The following PPFIBP2 variants were observed in gnomAD, a reference collection of about 807,000 sequenced individuals.
PPFIBP2 encodes PPFIB scaffold protein 2.
In PPFIBP2, 118 loss-of-function variants were observed where a neutral mutation model predicts 118.3. The ratio of observed to expected loss-of-function variants is 1.00; its 90% CI spans 0.86 to 1.16. The LOEUF (loss-of-function observed/expected upper bound fraction) is 1.16. Ranked by LOEUF, PPFIBP2 falls within the 50% of genes most tolerant of loss-of-function variation. The pLI, the probability that PPFIBP2 is intolerant of heterozygous loss-of-function variation, is 0.00. For synonymous variants in PPFIBP2, 414 were observed against 397.4 expected (o/e 1.04, Z -0.50); for missense variants, 1,195 against 1,073.1 (o/e 1.11, Z -1.59).
At position 7,642,439 on chromosome 11, in the gene PPFIBP2, C is replaced by T; in HGVS notation, c.1646+13C>T. On this transcript the variant is annotated intron_variant, in intron 17 of 23. Transcript: ENST00000299492. ...AGGGACAGAAAAGGTAAGGCTTGAC[C>T]CACTTTCCTTTGATCTCCCTGCTCT... 1 of 1,606,414 alleles carries T rather than the reference C, an allele frequency of 6.2e-7. No homozygotes were observed. Among genetic ancestry groups the T allele is most frequent in the Non-Finnish European group, 8.5e-7 (1 of 1,175,584 alleles).
chr11:7,625,707 T>C, intron 7 of PPFIBP2, 70 bp from the exon 8 acceptor site: 1 of 1,301,420 alleles, frequency 7.7e-7, no homozygotes, highest in Non-Finnish European at 1.1e-6. Flanking sequence ...GTCTGGACTC[T>C]GACGGGAGGC....
At chr11:7,624,939 G>A (rs1266026613) in intron 7 of PPFIBP2, among the ~76,000 whole-genome samples, 2 of 152,162 alleles carry the variant, frequency 1.3e-5, no homozygotes, top group East Asian at 3.8e-4. Context: ...CAAAATCCAG[G>A]TACCTCTTCG....
At position 7,650,931 on chromosome 11, in the gene PPFIBP2, A is replaced by G. The variant is rs746342297; in HGVS notation, c.2213A>G (p.Asn738Ser). 8 of 1,613,766 alleles carry G rather than the reference A, an allele frequency of 5.0e-6. No homozygotes were observed. Among genetic ancestry groups the G allele is most frequent in the Non-Finnish European group, 6.8e-6 (8 of 1,179,856 alleles). ...RSVDLAEYAPNLRGSGVHGGL... is the reference protein window; with the variant it reads ...RSVDLAEYAPSLRGSGVHGGL... ...GTGGACCTGGCAGAGTATGCACCCA[A>G]TCTTCGAGGGAGTGGAGTCCATGGA... Residue 738 changes from asparagine to serine, a missense_variant, in exon 22 of 24, where the codon AAT becomes AGT. By Grantham distance (46) the Asn-to-Ser change is conservative (BLOSUM62 1). Coordinates refer to ENST00000299492, the MANE Select transcript of PPFIBP2 (RefSeq NM_003621.5).
rs778001465 is a variant in PPFIBP2 at position 7,650,981 on chromosome 11, G to C, written c.2247+16G>C. On this transcript the variant is annotated intron_variant, in intron 22 of 23. Transcript: ENST00000299492. Reference sequence around the variant, plus strand: ...AGGCCTCATTGTGAGTGGCTCTCTGGCCTAGCCCACCTGCCTTGGTGCAAA... The same window carrying C: ...AGGCCTCATTGTGAGTGGCTCTCTGCCCTAGCCCACCTGCCTTGGTGCAAA... 1 of 1,609,696 alleles carries C rather than the reference G, an allele frequency of 6.2e-7. No homozygotes were observed. Among genetic ancestry groups the C allele is most frequent in the Non-Finnish European group, 8.5e-7 (1 of 1,177,172 alleles).
intron 5 of PPFIBP2, among the ~76,000 whole-genome samples, chr11:7,605,038 G>T (rs545026419): frequency 6.6e-6 from 1 of 152,210 alleles, no homozygotes; most frequent in African/African-American, 2.4e-5. Flanking sequence ...TCAGTCAGGG[G>T]CAATTCAGGA....
chr11:7,527,361 T>C (rs913486491), intron 1 of PPFIBP2, among the ~76,000 whole-genome samples: 1 of 151,930 alleles, frequency 6.6e-6, no homozygotes, highest in African/African-American at 2.4e-5. Context: ...AGAGTGGCCA[T>C]GGAACCCCAA....
chr11:7,634,405 C>T (rs1851179969), intron 12 of PPFIBP2, 90 bp from the exon 13 acceptor site: 24 of 1,033,840 alleles, frequency 2.3e-5, no homozygotes, highest in South Asian at 2.1e-4. Context: ...AAGCCCAAGA[C>T]CATCGGTTAA....
chr11:7,585,966 C>T (rs1297206958), intron 3 of PPFIBP2, among the ~76,000 whole-genome samples: 2 of 152,180 alleles, frequency 1.3e-5, no homozygotes, highest in Admixed American at 1.3e-4. Context: ...ACTTAGAGTA[C>T]ACAATAAAAC....
intron 16 of PPFIBP2, 104 bp downstream of exon 16, chr11:7,641,724 G>C (rs56171214): frequency 1.8e-6 from 2 of 1,140,710 alleles, no homozygotes; most frequent in South Asian, 3.0e-5. Context: ...TGAAACAGCA[G>C]TCAAAACAGA....
In PPFIBP2 at chr11:7,648,662, T is replaced by C. The variant is rs554663732; in HGVS notation, c.1797+125T>C. The C allele has an allele frequency of 2.2e-5, 33 of 1,477,938 alleles. No individual in the cohort carries two copies. The East Asian group carries it at 5.2e-4, about 23-fold the overall frequency. 91.6% of individuals were successfully genotyped at this position (1,477,938 alleles called of 1,614,324 possible). A position where few individuals can be genotyped will look rare whatever the true frequency, so the allele number is the denominator to read the frequency against. On this transcript the variant is annotated intron_variant, in intron 18 of 23. Coordinates refer to ENST00000299492, the MANE Select transcript of PPFIBP2 (RefSeq NM_003621.5). ...ATGGAGGAGGCTGAGAGTTCCTCTGTAGCTGCAGGTTGGCATCCCAGGGCA... is the reference window on the plus strand; with the variant it reads ...ATGGAGGAGGCTGAGAGTTCCTCTGCAGCTGCAGGTTGGCATCCCAGGGCA...
intron 1 of PPFIBP2, among the ~76,000 whole-genome samples, chr11:7,523,774 T>C (rs898192548): frequency 6.6e-6 from 1 of 152,224 alleles, no homozygotes; most frequent in Admixed American, 6.5e-5. Context: ...GTGGCTCTGC[T>C]TCAGGTATGT....
intron 5 of PPFIBP2, chr11:7,597,993 G>C (rs967036935): frequency 1.0e-4 from 25 of 242,378 alleles, no homozygotes; most frequent in African/African-American, 4.9e-4. Flanking sequence ...CATCCTGTGG[G>C]TGCCATCTGG....
At chr11:7,543,221 T>G (rs549444586) in intron 1 of PPFIBP2, among the ~76,000 whole-genome samples, 3 of 152,392 alleles carry the variant, frequency 2.0e-5, no homozygotes, top group African/African-American at 7.2e-5. Flanking sequence ...GGCTTTCTCT[T>G]AAGCTTAGGG....
intron 12 of PPFIBP2, 80 bp downstream of exon 12, chr11:7,633,014 G>T: frequency 1.5e-6 from 2 of 1,309,004 alleles, no homozygotes; most frequent in Non-Finnish European, 2.2e-6. Context: ...GGTGATGACC[G>T]TGAATGGTGA....
intron 2 of PPFIBP2, among the ~76,000 whole-genome samples, chr11:7,562,189 A>G (rs1854374134): frequency 6.6e-6 from 1 of 152,238 alleles, no homozygotes; most frequent in South Asian, 2.1e-4. Context: ...TGTGCAGCCC[A>G]GTTCCTAACA....
At chr11:7,654,899 G>T (rs1854541590), downstream of PPFIBP2, among the ~76,000 whole-genome samples, 1 of 152,172 alleles carries the variant, frequency 6.6e-6, no homozygotes, top group South Asian at 2.1e-4. Flanking sequence ...ATTTACAGAG[G>T]ATGTTTCCAA....
Position 7,549,462 on chromosome 11 carries a change from A to C in PPFIBP2, c.-14A>C. 6.4e-7 allele frequency: 1 copy of C among 1,556,696 alleles called. No homozygotes were observed. Among genetic ancestry groups the C allele is most frequent in the Non-Finnish European group, 8.7e-7 (1 of 1,149,658 alleles). ...CAGTAAGAAGAGGAGGAGGCCAGGCAGGCAAAAGGAGTCATGGCTTCTGAT... is the reference window on the plus strand; with the variant it reads ...CAGTAAGAAGAGGAGGAGGCCAGGCCGGCAAAAGGAGTCATGGCTTCTGAT... On this transcript the variant is annotated 5_prime_UTR_variant, in exon 2 of 24. Coordinates refer to ENST00000299492, the MANE Select transcript of PPFIBP2 (RefSeq NM_003621.5).
At chr11:7,654,450 C>T (rs146534677), downstream of PPFIBP2, among the ~76,000 whole-genome samples, 31 of 152,350 alleles carry the variant, frequency 2.0e-4, no homozygotes, top group Middle Eastern at 3.4e-3. Flanking sequence ...GGCCTGGGCA[C>T]GGCCTGATGA....
At chr11:7,623,214 C>A (rs948223470) in intron 7 of PPFIBP2, among the ~76,000 whole-genome samples, 2 of 97,384 alleles carry the variant, frequency 2.1e-5, no homozygotes, top group African/African-American at 9.7e-5. Context: ...TGCTTCAGGC[C>A]TCTCAGTCTC....
Sources: allele counts gnomAD v4.1 joint callset (sites outside exome capture counted in the v4.1 genomes callset), GRCh38; gene constraint gnomAD v4.1.1; transcripts MANE v1.5; gene names NCBI Gene and HGNC (gene_info 2026-07-23, HGNC 2026-07-21).